Variants in DNAH14 observed in about 807,000 individuals in gnomAD.
DNAH14 encodes the protein dynein axonemal heavy chain 14, also known as axonemal beta dynein heavy chain 14.
Under a neutral mutation model 520.9 loss-of-function variants are expected in DNAH14, and 478 were observed. The ratio of observed to expected loss-of-function variants is 0.92; its 90% CI spans 0.85 to 0.99. The LOEUF (loss-of-function observed/expected upper bound fraction) is 0.99. DNAH14 is among the 50% of genes least tolerant of loss of function. The pLI is 0.00. For synonymous variants in DNAH14, 1,581 were observed against 1,757.2 expected, an observed-to-expected ratio of 0.90 and a Z score of 2.51; for missense variants, 4,831 against 5,234.5, an observed-to-expected ratio of 0.92 and a Z score of 2.38.
chr1:225,250,730 C>T (rs1348161486), intron 43 of DNAH14: 2 of 515,228 alleles, frequency 3.9e-6, no homozygotes, highest in Admixed American at 3.7e-5. Context: ...ATTGTGGTTT[C>T]TGCAGGAAGG....
chr1:225,031,869 G>A (rs1250979481), intron 11 of DNAH14, among the ~76,000 whole-genome samples: 1 of 151,738 alleles, frequency 6.6e-6, no homozygotes, highest in East Asian at 1.9e-4. Context: ...GTTTCCTTTT[G>A]CTTGTTTCTG....
intron 20 of DNAH14, among the ~76,000 whole-genome samples, chr1:225,084,557 A>G (rs965784949): frequency 2.0e-5 from 3 of 152,106 alleles, no homozygotes; most frequent in African/African-American, 7.2e-5. Context: ...CTACCACATG[A>G]AAAGCATTTC....
At chr1:225,194,600 A>G (rs1402881813) in intron 38 of DNAH14, among the ~76,000 whole-genome samples, 1 of 152,172 alleles carries the variant, frequency 6.6e-6, no homozygotes, top group Non-Finnish European at 1.5e-5. Flanking sequence ...ATCATTCTGT[A>G]TATGTGCCTG....
chr1:225,265,562 G>A (rs1452090446), intron 48 of DNAH14, among the ~76,000 whole-genome samples, 193 bp downstream of exon 48: 3 of 152,052 alleles, frequency 2.0e-5, no homozygotes, highest in African/African-American at 4.8e-5. Flanking sequence ...GAATTATACT[G>A]ATTCAGAATT....
intron 23 of DNAH14, among the ~76,000 whole-genome samples, chr1:225,103,964 GTGCCAGTTTTC>G (rs2075774987): frequency 1.4e-5 from 2 of 142,230 alleles, no homozygotes; most frequent in Non-Finnish European, 3.0e-5. Context: ...TCCCTGTCTT[GTGCCAGTTTTC>G]AAAGGGAATG....
intron 12 of DNAH14, among the ~76,000 whole-genome samples, chr1:225,039,033 G>T (rs1017684057): frequency 1.3e-5 from 2 of 152,052 alleles, no homozygotes; most frequent in Admixed American, 1.3e-4. Flanking sequence ...TCACCACATG[G>T]TTTATTGAGT....
intron 17 of DNAH14, among the ~76,000 whole-genome samples, chr1:225,077,958 A>G (rs1183958498): frequency 1.3e-5 from 2 of 152,206 alleles, no homozygotes; most frequent in African/African-American, 2.4e-5. Context: ...AATTAATTCA[A>G]GGCTGTAAAG....
chr1:225,023,475 C>T, intron 10 of DNAH14, 140 bp from the exon 11 acceptor site: 1 of 579,196 alleles, frequency 1.7e-6, no homozygotes, highest in Non-Finnish European at 2.8e-6. Context: ...CCCTTTAAAT[C>T]ATTTTTTGCT....
intron 10 of DNAH14, among the ~76,000 whole-genome samples, chr1:225,016,352 C>A (rs1413025717): frequency 6.6e-6 from 1 of 152,128 alleles, no homozygotes; most frequent in Non-Finnish European, 1.5e-5. Flanking sequence ...TAGTTTATTT[C>A]TTTCAATATT....
rs2075065340 is a variant in DNAH14, at chr1:225,097,251, A to T, written c.3695+12A>T. ...TCAGAAATACGAAGGTAAAATACCTAAAATATACCATATACAGGTTCAAAA... is the reference window on the plus strand; with the variant it reads ...TCAGAAATACGAAGGTAAAATACCTTAAATATACCATATACAGGTTCAAAA... On this transcript the variant is annotated intron_variant, in intron 22 of 85. Coordinates refer to ENST00000682510, the MANE Select transcript of DNAH14 (RefSeq NM_001367479.1). 6.5e-7 allele frequency: 1 copy of T among 1,547,008 alleles called. No homozygotes were observed. Among genetic ancestry groups the T allele is most frequent in the Non-Finnish European group, 8.7e-7 (1 of 1,144,754 alleles).
At chr1:225,394,543 G>C (rs1406605299) in intron 84 of DNAH14, among the ~76,000 whole-genome samples, 1 of 151,870 alleles carries the variant, frequency 6.6e-6, no homozygotes, top group Non-Finnish European at 1.5e-5. Flanking sequence ...CATTTTCTAT[G>C]ATCTATATAT....
intron 17 of DNAH14, among the ~76,000 whole-genome samples, chr1:225,078,640 A>G (rs1363921426): frequency 6.6e-6 from 1 of 152,082 alleles, no homozygotes; most frequent in Non-Finnish European, 1.5e-5. Context: ...TGTAATCCCC[A>G]CATGTTAAGG....
At chr1:225,008,656 A>C (rs2064413202) in intron 10 of DNAH14, among the ~76,000 whole-genome samples, 1 of 132,728 alleles carries the variant, frequency 7.5e-6, no homozygotes, top group Non-Finnish European at 1.5e-5. Flanking sequence ...TGATCTCCTG[A>C]CCTCGTGATT....
At chr1:225,008,895 G>T (rs1290605580) in intron 10 of DNAH14, among the ~76,000 whole-genome samples, 1 of 151,672 alleles carries the variant, frequency 6.6e-6, no homozygotes, top group Non-Finnish European at 1.5e-5. Flanking sequence ...TCCTTTTTTG[G>T]CCACATGAAT....
chr1:225,059,751 G>T (rs1332373924), intron 17 of DNAH14, among the ~76,000 whole-genome samples: 6 of 152,058 alleles, frequency 3.9e-5, no homozygotes, highest in Admixed American at 2.6e-4. Flanking sequence ...GCATTTGCTT[G>T]TCTGTAAAGG....
intron 21 of DNAH14, among the ~76,000 whole-genome samples, chr1:225,089,625 T>C (rs187248391): frequency 9.9e-4 from 150 of 152,222 alleles, no homozygotes; most frequent in African/African-American, 3.5e-3. Flanking sequence ...ACAGAGAATG[T>C]TGTATTATTA....
intron 9 of DNAH14, among the ~76,000 whole-genome samples, chr1:225,006,463 C>G (rs2064176609): frequency 6.6e-6 from 1 of 152,090 alleles, no homozygotes; most frequent in South Asian, 2.1e-4. Context: ...CTTTTCCCAG[C>G]AAGGAATAAC....
chr1:225,120,553 A>G lies in DNAH14; in HGVS notation c.4166+1259A>G, dbSNP rs74479195. On this transcript the variant is annotated intron_variant, in intron 26 of 85. Transcript: ENST00000682510. ...CGGTTTTGTTTGAGTCAAATTGTAAACTAAATTCCTTCCCAAGGTTGGTTC... is the reference window on the plus strand; with the variant it reads ...CGGTTTTGTTTGAGTCAAATTGTAAGCTAAATTCCTTCCCAAGGTTGGTTC... Among the ~76,000 whole-genome samples the G allele has an allele frequency of 3.4e-3, 512 of 152,346 alleles. 2 individuals are homozygous for G. The highest frequency in any genetic ancestry group is 0.011 in the African/African-American group (470 of 41,580).
intron 54 of DNAH14, among the ~76,000 whole-genome samples, chr1:225,280,033 A>C (rs1285585892): frequency 6.6e-6 from 1 of 151,972 alleles, no homozygotes; most frequent in Non-Finnish European, 1.5e-5. Context: ...CAAAATTAAA[A>C]TAAATGAGAT....
Sources: gnomAD v4.1 joint callset for allele counts (sites outside exome capture counted in the v4.1 genomes callset) on GRCh38, gnomAD v4.1.1 for gene constraint, MANE v1.5 for transcripts, NCBI Gene and HGNC (gene_info 2026-07-23, HGNC 2026-07-21) for gene names.